ZNF469: variants seen among roughly 807,000 people sequenced by gnomAD.
The protein encoded by ZNF469 is zinc finger protein 469.
Under a neutral mutation model 1.0 loss-of-function variants are expected in ZNF469, and 1 was observed. That is an observed-to-expected ratio of 1.00 (90% CI 0.35 to 4.73). The LOEUF is 4.73. Ranked by LOEUF, ZNF469 falls within the 30% of genes most tolerant of loss-of-function variation. ZNF469 has a pLI of 0.16. For synonymous variants in ZNF469, 2,703 were observed against 2,363.4 expected, an observed-to-expected ratio of 1.14 and a Z score of -4.17; for missense variants, 6,100 against 5,356.3, an observed-to-expected ratio of 1.14 and a Z score of -4.33.
chr16:88,292,389 C>T, the ZNF469 span, among the ~76,000 whole-genome samples: 54 of 152,286 alleles, frequency 3.5e-4, no homozygotes, highest in African/African-American at 1.2e-3. Context: ...GTTGTAAACT[C>T]GGACCAGTAA....
chr16:88,438,146 C>T lies in ZNF469; in HGVS notation c.10676C>T (p.Pro3559Leu). The change falls in exon 3 of 3, where the codon CCA becomes CTA. Residue 3559 changes from proline to leucine, a missense_variant. Transcript: ENST00000565624. ...CCCCCGCCGTCTCTGTCTCCCTTCC[C>T]AGCTGCCTTGGCTGATGGCAGAGGA... ...ECPPPSLSPF[P>L]AALADGRGDC... 1 of 1,550,342 alleles carries T rather than the reference C, an allele frequency of 6.5e-7. No individual in the cohort carries two copies. The highest frequency in any genetic ancestry group is 1.2e-5 in the South Asian group (1 of 84,054).
chr16:88,119,975 G>T, the ZNF469 span, among the ~76,000 whole-genome samples: 1 of 152,186 alleles, frequency 6.6e-6, no homozygotes, highest in South Asian at 2.1e-4. Context: ...CTCTGCCGCC[G>T]CCGTGCGTGC....
chr16:88,342,871 G>A, the ZNF469 span, among the ~76,000 whole-genome samples: 1 of 152,238 alleles, frequency 6.6e-6, no homozygotes, highest in Non-Finnish European at 1.5e-5. Context: ...CCAGTTGCAG[G>A]ACGTCATGTG....
Position 88,404,374 on chromosome 16 carries a change from C to T in ZNF469, c.-191-20433C>T, listed in dbSNP as rs559818619. Among the ~76,000 whole-genome samples, 52 of 152,306 alleles carry T rather than the reference C, an allele frequency of 3.4e-4. 1 individual carries two copies. In the South Asian group the frequency reaches 7.9e-3, roughly 23 times the overall value. ...GCAGACTGGCCCTGGGCGGCGCCGG[C>T]GGTGCGTGTGCTGTTAGTGATTCAC... On this transcript the variant is annotated intron_variant, in intron 1 of 2. Transcript: ENST00000565624.
the ZNF469 span, among the ~76,000 whole-genome samples, chr16:88,275,190 T>A: frequency 3.9e-5 from 6 of 152,180 alleles, no homozygotes; most frequent in Non-Finnish European, 2.9e-5. Flanking sequence ...AGGCAGCTGC[T>A]TTTTTATGTC....
chr16:88,282,394 G>A, the ZNF469 span, among the ~76,000 whole-genome samples: 5 of 152,208 alleles, frequency 3.3e-5, no homozygotes, highest in African/African-American at 1.2e-4. Flanking sequence ...GGACCTGGGT[G>A]TGTCTGGGTG....
the ZNF469 span, among the ~76,000 whole-genome samples, chr16:88,254,466 A>G: frequency 6.6e-6 from 1 of 152,152 alleles, no homozygotes; most frequent in Non-Finnish European, 1.5e-5. Context: ...CTCTTTAGAG[A>G]TCATCTGGCA....
the ZNF469 span, among the ~76,000 whole-genome samples, chr16:88,211,197 T>A: frequency 6.6e-6 from 1 of 152,286 alleles, no homozygotes; most frequent in African/African-American, 2.4e-5. Context: ...CATTAGCTCT[T>A]CCACCTGGTT....
chr16:88,366,860 A>G, the ZNF469 span, among the ~76,000 whole-genome samples: 2 of 151,866 alleles, frequency 1.3e-5, no homozygotes, highest in Admixed American at 1.3e-4. Context: ...CTACCACACC[A>G]TCAACACCAT....
the ZNF469 span, among the ~76,000 whole-genome samples, chr16:88,121,163 A>G: frequency 2.0e-4 from 4 of 20,478 alleles, no homozygotes; most frequent in Admixed American, 1.8e-3. Context: ...TGTACCATGC[A>G]TTGTGGGGTG....
chr16:88,172,761 T>A, the ZNF469 span, among the ~76,000 whole-genome samples: 1 of 152,112 alleles, frequency 6.6e-6, no homozygotes, highest in Non-Finnish European at 1.5e-5. Context: ...GGAGAGAAAT[T>A]AAGCATATAA....
intron 2 of ZNF469, among the ~76,000 whole-genome samples, chr16:88,426,309 C>T (rs559795816): frequency 6.6e-6 from 1 of 152,254 alleles, no homozygotes; most frequent in Non-Finnish European, 1.5e-5. Flanking sequence ...ACAATGCCTG[C>T]AAGGGCTGAG....
At chr16:88,292,372 A>G in the ZNF469 span, among the ~76,000 whole-genome samples, 1 of 152,164 alleles carries the variant, frequency 6.6e-6, no homozygotes, top group Non-Finnish European at 1.5e-5. Flanking sequence ...CCTGAGTGTG[A>G]GTCCCTGTTG....
At chr16:88,181,271 T>C in the ZNF469 span, among the ~76,000 whole-genome samples, 1 of 152,124 alleles carries the variant, frequency 6.6e-6, no homozygotes, top group African/African-American at 2.4e-5. Flanking sequence ...GGGGTTTCAC[T>C]GTGTTGGCTA....
At chr16:88,236,737 G>A in the ZNF469 span, among the ~76,000 whole-genome samples, 1 of 151,912 alleles carries the variant, frequency 6.6e-6, no homozygotes, top group Non-Finnish European at 1.5e-5. Context: ...CGTGGTGGGG[G>A]GTGCCTGTAA....
Position 88,432,540 on chromosome 16 carries a change from C to A in ZNF469, c.5070C>A (p.Ala1690=). The change falls in exon 3 of 3, where the codon GCC becomes GCA. Residue 1690 remains alanine, a synonymous_variant. Transcript: ENST00000565624. ...VSGAPFSPRG[A]NFHFQPVQKA... is the part of the protein sequence containing the mutation. ...GGGCTCCTTTCAGCCCCAGGGGAGC[C>A]AACTTCCATTTTCAGCCAGTGCAGA... 2.6e-6 allele frequency: 4 copies of A among 1,550,402 alleles called. No homozygotes were observed. The highest frequency in any genetic ancestry group is 3.5e-6 in the Non-Finnish European group (4 of 1,146,980).
chr16:88,422,623 AGATG>A (rs1278533350), intron 1 of ZNF469, among the ~76,000 whole-genome samples: 2 of 74,652 alleles, frequency 2.7e-5, no homozygotes, highest in South Asian at 5.0e-4. Flanking sequence ...GTGGGTGGGT[AGATG>A]GATGGGTGGG....
chr16:88,290,905 C>G, the ZNF469 span, among the ~76,000 whole-genome samples: 1 of 152,218 alleles, frequency 6.6e-6, no homozygotes, highest in Non-Finnish European at 1.5e-5. Context: ...CTCTGCCTGC[C>G]ATTCCTGTGT....
At chr16:88,402,883 G>A (rs565832985) in intron 1 of ZNF469, among the ~76,000 whole-genome samples, 10 of 152,286 alleles carry the variant, frequency 6.6e-5, no homozygotes, top group African/African-American at 2.4e-4. Flanking sequence ...CACTCCACCA[G>A]CCAGGCTTTC....
Sources: allele counts gnomAD v4.1 joint callset (sites outside exome capture counted in the v4.1 genomes callset), GRCh38; gene constraint gnomAD v4.1.1; transcripts MANE v1.5; gene names NCBI Gene and HGNC (gene_info 2026-07-23, HGNC 2026-07-21).